TMEM45B: variants seen among roughly 807,000 people sequenced by gnomAD.
TMEM45B encodes the protein transmembrane protein 45B.
Under a neutral mutation model 27.3 loss-of-function variants are expected in TMEM45B, and 29 were observed. That is an observed-to-expected ratio of 1.06 (90% CI 0.79 to 1.45). TMEM45B has a LOEUF of 1.45. Among genes scored for constraint, TMEM45B ranks in the 40% most tolerant of loss-of-function variants. TMEM45B has a pLI of 0.00. For synonymous variants in TMEM45B, 143 were observed against 134.7 expected (o/e 1.06, Z -0.43); for missense variants, 348 against 343.9 (o/e 1.01, Z -0.09).
intron 2 of TMEM45B, among the ~76,000 whole-genome samples, chr11:129,853,893 G>C (rs1185829148): frequency 6.6e-6 from 1 of 152,202 alleles, no homozygotes; most frequent in Non-Finnish European, 1.5e-5. Context: ...TTGGGTACCA[G>C]GCATAAAGAC....
chr11:129,852,919 G>T, intron 2 of TMEM45B: 1 of 340,394 alleles, frequency 2.9e-6, no homozygotes. Flanking sequence ...AGTTGTAGGA[G>T]CAAAACACCC....
At chr11:129,824,107 T>A (rs1947451673) in intron 1 of TMEM45B, among the ~76,000 whole-genome samples, 1 of 152,200 alleles carries the variant, frequency 6.6e-6, no homozygotes, top group Non-Finnish European at 1.5e-5. Flanking sequence ...ACAATGAAAG[T>A]CCCTCTCTTC....
At chr11:129,841,597 T>TTG (rs1388110527) in intron 1 of TMEM45B, among the ~76,000 whole-genome samples, 5 of 146,384 alleles carry the variant, frequency 3.4e-5, no homozygotes, top group African/African-American at 7.5e-5. Flanking sequence ...TTTTTGTTTT[T>TTG]TTTTTTTTTT....
intron 1 of TMEM45B, among the ~76,000 whole-genome samples, chr11:129,836,639 A>T (rs1947623404): frequency 6.6e-6 from 1 of 152,198 alleles, no homozygotes; most frequent in Admixed American, 6.5e-5. Flanking sequence ...TAATGTCCTT[A>T]TAAGAACACA....
chr11:129,857,097 C>T (rs973782330), intron 4 of TMEM45B, among the ~76,000 whole-genome samples: 1 of 152,126 alleles, frequency 6.6e-6, no homozygotes, highest in Non-Finnish European at 1.5e-5. Flanking sequence ...TGTAAACCGC[C>T]TGCCTCAGCC....
rs142056296 is a variant in TMEM45B, at chr11:129,817,652, C to G, written c.-9+1754C>G. Among the ~76,000 whole-genome samples, 508 of 152,286 alleles carry G rather than the reference C, an allele frequency of 3.3e-3. 5 individuals carry two copies. Among genetic ancestry groups the G allele is most frequent in the African/African-American group, 0.012 (480 of 41,546 alleles). ...TACTTATCCTCAGGCCACACCTGTT[C>G]CCATTTATTCCATGAGTTCCTCCCA... On this transcript the variant is annotated intron_variant, in intron 1 of 5. Coordinates refer to ENST00000281441, the MANE Select transcript of TMEM45B (RefSeq NM_138788.5).
At chr11:129,822,227 C>T (rs999641342) in intron 1 of TMEM45B, among the ~76,000 whole-genome samples, 5 of 152,146 alleles carry the variant, frequency 3.3e-5, no homozygotes, top group African/African-American at 7.2e-5. Context: ...ATTTCATGAA[C>T]GCAGCATCTT....
rs139620624 is a variant in TMEM45B at position 129,822,203 on chromosome 11, A to G, written c.-9+6305A>G. Among the ~76,000 whole-genome samples the G allele has an allele frequency of 2.7e-3, 411 of 152,314 alleles. 3 individuals are homozygous for G. The highest frequency in any genetic ancestry group is 9.1e-3 in the African/African-American group (377 of 41,576). ...GTGTGGTCTTCTGAATGGTTTTTAC[A>G]GTATCCTGTTCTCATTTCATGAACG... On this transcript the variant is annotated intron_variant, in intron 1 of 5. Transcript: ENST00000281441.
intron 1 of TMEM45B, among the ~76,000 whole-genome samples, chr11:129,839,296 A>G (rs1947661897): frequency 6.6e-6 from 1 of 152,134 alleles, no homozygotes; most frequent in South Asian, 2.1e-4. Flanking sequence ...GATTCTGGAA[A>G]TGAGAGTCAT....
At chr11:129,826,406 G>A (rs1364979892) in intron 1 of TMEM45B, among the ~76,000 whole-genome samples, 3 of 151,614 alleles carry the variant, frequency 2.0e-5, no homozygotes, top group African/African-American at 7.3e-5. Context: ...AAAATTAGCT[G>A]GGCGTGGTGG....
In TMEM45B at chr11:129,818,681, G is replaced by A. The variant is rs527260641; in HGVS notation, c.-9+2783G>A. ...TTTGTTTTTCCCGAACACTTAATAT[G>A]TTTTCTGACTTGAATTATCAGAATC... On this transcript the variant is annotated intron_variant, in intron 1 of 5. Transcript: ENST00000281441. Among the ~76,000 whole-genome samples the A allele has an allele frequency of 1.2e-4, 18 of 152,022 alleles. No individual in the cohort carries two copies. The South Asian group carries it at 3.6e-3, about 30-fold the overall frequency.
At position 129,858,725 on chromosome 11, in the gene TMEM45B, G is replaced by A. The variant is rs760737965; in HGVS notation, c.*40G>A. The A allele has an allele frequency of 1.3e-5, 18 of 1,437,998 alleles. No individual in the cohort carries two copies. The highest frequency in any genetic ancestry group is 1.7e-5 in the Non-Finnish European group (18 of 1,047,334). 89.1% of individuals were successfully genotyped at this position (1,437,998 alleles called of 1,614,324 possible). A position where few individuals can be genotyped will look rare whatever the true frequency, so the allele number is the denominator to read the frequency against. On this transcript the variant is annotated 3_prime_UTR_variant, in exon 6 of 6. Coordinates refer to ENST00000281441, the MANE Select transcript of TMEM45B (RefSeq NM_138788.5). ...GGCGCAGATGTCCCACTGCACAGCTGGAATGAATGGAGTTCATCCCCTCCA... is the reference window on the plus strand; with the variant it reads ...GGCGCAGATGTCCCACTGCACAGCTAGAATGAATGGAGTTCATCCCCTCCA...
At position 129,816,385 on chromosome 11, in the gene TMEM45B, G is replaced by A. The variant is rs1287458775; in HGVS notation, c.-9+487G>A. Among the ~76,000 whole-genome samples, 4 of 152,130 alleles carry A rather than the reference G, an allele frequency of 2.6e-5. No homozygotes were observed. In the South Asian group the frequency reaches 8.3e-4, roughly 31 times the overall value. ...ATAGCTCTGGGCACTGGTACCGACTGCCTTTCCTTGTTAGCTGCGATACAC... is the reference window on the plus strand; with the variant it reads ...ATAGCTCTGGGCACTGGTACCGACTACCTTTCCTTGTTAGCTGCGATACAC... On this transcript the variant is annotated intron_variant, in intron 1 of 5. Coordinates refer to ENST00000281441, the MANE Select transcript of TMEM45B (RefSeq NM_138788.5).
chr11:129,846,670 A>T (rs1475185525), intron 1 of TMEM45B, among the ~76,000 whole-genome samples: 1 of 152,208 alleles, frequency 6.6e-6, no homozygotes, highest in East Asian at 1.9e-4. Flanking sequence ...GCTTAAAAAA[A>T]AATCAGTCTG....
intron 1 of TMEM45B, among the ~76,000 whole-genome samples, chr11:129,844,834 T>C (rs779305890): frequency 1.3e-5 from 2 of 152,214 alleles, no homozygotes; most frequent in African/African-American, 4.8e-5. Context: ...CATTTCACAA[T>C]GTATACATAT....
chr11:129,845,602 A>C (rs974130692), intron 1 of TMEM45B, among the ~76,000 whole-genome samples: 2 of 152,158 alleles, frequency 1.3e-5, no homozygotes, highest in African/African-American at 4.8e-5. Context: ...GCAGGAAATG[A>C]GGCACGGAGG....
At chr11:129,853,324 C>T (rs916579096) in intron 2 of TMEM45B, among the ~76,000 whole-genome samples, 1 of 152,246 alleles carries the variant, frequency 6.6e-6, no homozygotes, top group Non-Finnish European at 1.5e-5. Flanking sequence ...CCAGCCCCAC[C>T]TGGGGGGAAT....
At position 129,852,465 on chromosome 11, in the gene TMEM45B, A is replaced by G. The variant is rs758039383; in HGVS notation, c.-8-10A>G. ...ATTAGCCACCTAACAGCCTTCCCCTAATTTTTTAGGTGTCCTGATGGCAAA... is the reference window on the plus strand; with the variant it reads ...ATTAGCCACCTAACAGCCTTCCCCTGATTTTTTAGGTGTCCTGATGGCAAA... On this transcript the variant is annotated splice_polypyrimidine_tract_variant and intron_variant, in intron 1 of 5. Coordinates refer to ENST00000281441, the MANE Select transcript of TMEM45B (RefSeq NM_138788.5). 2.9e-5 allele frequency: 46 copies of G among 1,578,918 alleles called. No homozygotes were observed. The highest frequency in any genetic ancestry group is 2.6e-6 in the Non-Finnish European group (3 of 1,153,570).
chr11:129,857,221 C>G (rs947481860), intron 4 of TMEM45B, 92 bp from the exon 5 acceptor site: 2 of 1,490,290 alleles, frequency 1.3e-6, no homozygotes, highest in Non-Finnish European at 9.2e-7. Context: ...GCGGTGGTCA[C>G]ACATGGGCCA....
Sources: allele counts gnomAD v4.1 joint callset (sites outside exome capture counted in the v4.1 genomes callset), GRCh38; gene constraint gnomAD v4.1.1; transcripts MANE v1.5; gene names NCBI Gene and HGNC (gene_info 2026-07-23, HGNC 2026-07-21).